MAP4K3: variants seen among roughly 807,000 people sequenced by gnomAD.
MAP4K3 encodes MAPK/ERK kinase kinase kinase 3.
MAP4K3 carries 94 observed loss-of-function variants against 143.5 expected under a neutral mutation model. The observed-to-expected ratio is 0.65, with a 90% CI of 0.55 to 0.78. MAP4K3 has a LOEUF of 0.78. Among genes scored for constraint, MAP4K3 ranks in the 30% least tolerant of loss-of-function variants. The probability of loss-of-function intolerance (pLI) is 0.00; values close to 1 mark genes in which losing one functional copy is unlikely to be tolerated. For missense variants in MAP4K3, 1,077 were observed against 1,068.1 expected (o/e 1.01, Z -0.12); for synonymous variants, 416 against 347.2 (o/e 1.20, Z -2.20).
chr2:39,293,728 C>T (rs1682151310), intron 16 of MAP4K3: 1 of 160,034 alleles, frequency 6.2e-6, no homozygotes, highest in African/African-American at 2.4e-5. Flanking sequence ...TGCTCTCAGG[C>T]AATCCTACAA....
chr2:39,272,421 G>T, intron 25 of MAP4K3, 21 bp from the exon 26 acceptor site: 1 of 1,600,586 alleles, frequency 6.2e-7, no homozygotes, highest in Non-Finnish European at 8.6e-7. Context: ...AAACAGATAT[G>T]ACATAAAAGC....
intron 32 of MAP4K3, among the ~76,000 whole-genome samples, chr2:39,252,781 T>C (rs138947261): frequency 1.6e-4 from 24 of 152,376 alleles, no homozygotes; most frequent in Admixed American, 1.3e-3. Context: ...TCTTAGCTTC[T>C]GTTGTAACCC....
chr2:39,354,752 C>T (rs1239183763), intron 3 of MAP4K3, among the ~76,000 whole-genome samples: 1 of 152,062 alleles, frequency 6.6e-6, no homozygotes, highest in Non-Finnish European at 1.5e-5. Context: ...GTGGTTACAA[C>T]CATGAACAGC....
intron 2 of MAP4K3, among the ~76,000 whole-genome samples, chr2:39,362,181 C>T (rs182054130): frequency 7.9e-5 from 12 of 152,198 alleles, no homozygotes; most frequent in Admixed American, 7.2e-4. Flanking sequence ...AGAATTGATA[C>T]ATCTGGAATA....
intron 1 of MAP4K3, among the ~76,000 whole-genome samples, chr2:39,425,302 A>C (rs935495928): frequency 6.6e-6 from 1 of 152,242 alleles, no homozygotes; most frequent in Non-Finnish European, 1.5e-5. Context: ...AAGAACAATT[A>C]AGTATGCAAC....
intron 1 of MAP4K3, among the ~76,000 whole-genome samples, chr2:39,412,199 C>T (rs891912048): frequency 6.6e-6 from 1 of 152,196 alleles, no homozygotes; most frequent in African/African-American, 2.4e-5. Flanking sequence ...AAATCAGTAA[C>T]AGCTAGCGCG....
chr2:39,264,798 A>G (rs1680703466), intron 28 of MAP4K3, among the ~76,000 whole-genome samples: 1 of 152,240 alleles, frequency 6.6e-6, no homozygotes, highest in South Asian at 2.1e-4. Flanking sequence ...TGGGTATATA[A>G]CTAAAAACAA....
At chr2:39,402,900 G>C (rs1236693687) in intron 1 of MAP4K3, among the ~76,000 whole-genome samples, 2 of 151,574 alleles carry the variant, frequency 1.3e-5, no homozygotes, top group Non-Finnish European at 2.9e-5. Context: ...ATATTAAAAG[G>C]ATAATGAGAA....
In MAP4K3 at chr2:39,250,453, C is replaced by A; in HGVS notation, c.*165G>T. 1.7e-6 allele frequency: 1 copy of A among 581,842 alleles called. No individual in the cohort carries two copies. The highest frequency in any genetic ancestry group is 2.5e-5 in the South Asian group (1 of 39,804). 36.0% of individuals were successfully genotyped at this position (581,842 alleles called of 1,614,324 possible). ...TGTGGTTCAATATGCTAAATATATC[C>A]ATACCACTTAAAACAAAATTTTCCC... On this transcript the variant is annotated 3_prime_UTR_variant, in exon 34 of 34. Coordinates refer to ENST00000263881, the MANE Select transcript of MAP4K3 (RefSeq NM_003618.4).
intron 1 of MAP4K3, among the ~76,000 whole-genome samples, chr2:39,425,640 T>C (rs1470757933): frequency 6.6e-6 from 1 of 152,174 alleles, no homozygotes; most frequent in African/African-American, 2.4e-5. Flanking sequence ...TGATCTTGAA[T>C]GTCTAGCCTC....
At chr2:39,334,000 T>TGTGTGTG (rs1553413759) in intron 6 of MAP4K3, among the ~76,000 whole-genome samples, 1 of 147,918 alleles carries the variant, frequency 6.8e-6, no homozygotes, top group Non-Finnish European at 1.5e-5. Flanking sequence ...TGTGTGTGTG[T>TGTGTGTG]TTTTAAAAGA....
rs747936941 is a variant in MAP4K3, at chr2:39,343,375, A to C, written c.310+13T>G. 1 of 1,600,956 alleles carries C rather than the reference A, an allele frequency of 6.2e-7. No individual in the cohort carries two copies. The highest frequency in any genetic ancestry group is 1.3e-5 in the African/African-American group (1 of 74,568). On this transcript the variant is annotated intron_variant, in intron 4 of 33. Transcript: ENST00000263881. ...TCAACCTAACCCCTATAAAAATACA[A>C]CTTTGGTCTTACCGTGATAAATATC...
chr2:39,347,874 T>C (rs1250161909), intron 3 of MAP4K3, among the ~76,000 whole-genome samples: 7 of 152,060 alleles, frequency 4.6e-5, no homozygotes, highest in Non-Finnish European at 8.8e-5. Context: ...AGAGCTTTGC[T>C]AGTGATCAAT....
intron 2 of MAP4K3, among the ~76,000 whole-genome samples, chr2:39,377,323 A>T (rs561572184): frequency 6.6e-6 from 1 of 151,856 alleles, no homozygotes; most frequent in East Asian, 1.9e-4. Flanking sequence ...CTTGTAAAGG[A>T]AGAAGTCATC....
intron 26 of MAP4K3, among the ~76,000 whole-genome samples, chr2:39,268,634 A>ATTTTTTTTTTCTTTTTTTT (rs1680878549): frequency 1.4e-5 from 1 of 73,772 alleles, no homozygotes; most frequent in Non-Finnish European, 2.4e-5. Flanking sequence ...GATTTTTTCT[A>ATTTTTTTTTTCTTTTTTTT]TTTTTTTTTT....
At chr2:39,270,723 C>G (rs1392908674) in intron 26 of MAP4K3, among the ~76,000 whole-genome samples, 2 of 152,022 alleles carry the variant, frequency 1.3e-5, no homozygotes, top group African/African-American at 4.8e-5. Context: ...TACCTATCTT[C>G]AGAATGAGAA....
At chr2:39,314,095 T>C (rs1293684359) in intron 13 of MAP4K3, among the ~76,000 whole-genome samples, 2 of 152,104 alleles carry the variant, frequency 1.3e-5, no homozygotes, top group East Asian at 1.9e-4. Context: ...AGTGGCAGGA[T>C]TTCAACTCAC....
At chr2:39,252,909 G>A (rs574682220) in intron 32 of MAP4K3, among the ~76,000 whole-genome samples, 68 of 152,286 alleles carry the variant, frequency 4.5e-4, no homozygotes, top group Non-Finnish European at 6.2e-4. Context: ...AACATTTTTG[G>A]AGGTGTGTAT....
intron 12 of MAP4K3, among the ~76,000 whole-genome samples, chr2:39,318,500 T>G (rs1683194217): frequency 6.6e-6 from 1 of 152,126 alleles, no homozygotes; most frequent in African/African-American, 2.4e-5. Context: ...ACATAAATAC[T>G]CTCATTTTTC....
Sources: allele counts gnomAD v4.1 joint callset (sites outside exome capture counted in the v4.1 genomes callset), GRCh38; gene constraint gnomAD v4.1.1; transcripts MANE v1.5; gene names NCBI Gene and HGNC (gene_info 2026-07-23, HGNC 2026-07-21).